The following ARHGEF28 variants were observed in gnomAD, a reference collection of about 807,000 sequenced individuals.
ARHGEF28 encodes Rho guanine nucleotide exchange factor 28.
A neutral mutation model predicts 206.6 loss-of-function variants in ARHGEF28; 152 were observed. The observed-to-expected ratio is 0.74, with a 90% CI of 0.64 to 0.84. The LOEUF (loss-of-function observed/expected upper bound fraction) is 0.84. ARHGEF28 is among the 40% of genes least tolerant of loss of function. The pLI is 0.00. For synonymous variants in ARHGEF28, 763 were observed against 776.4 expected, an observed-to-expected ratio of 0.98 and a Z score of 0.29; for missense variants, 2,028 against 2,073.2, an observed-to-expected ratio of 0.98 and a Z score of 0.42.
chr5:73,806,970 T>C (rs149724580), intron 9 of ARHGEF28, among the ~76,000 whole-genome samples: 4 of 148,632 alleles, frequency 2.7e-5, no homozygotes. Context: ...CTATATAAAA[T>C]ATAGTCAGTT....
chr5:73,717,479 T>C lies in ARHGEF28; in HGVS notation c.34-32358T>C, dbSNP rs549792803. On this transcript the variant is annotated intron_variant, in intron 2 of 35. Coordinates refer to ENST00000513042, the MANE Select transcript of ARHGEF28 (RefSeq NM_001177693.2). ...TAGTCCTTTCTGGGAAATCCCTTTA[T>C]ATAATATGAATATAATATTTGCGAA... Among the ~76,000 whole-genome samples, 3 of 152,336 alleles carry C rather than the reference T, an allele frequency of 2.0e-5. 1 individual carries two copies. In the South Asian group the frequency reaches 6.2e-4, roughly 32 times the overall value.
rs1444653508 is a variant in ARHGEF28, at chr5:73,693,187, T to G, written c.33+8303T>G. 2.0e-5 allele frequency among the ~76,000 whole-genome samples: 3 copies of G among 152,164 alleles called. No individual in the cohort carries two copies. The East Asian group carries it at 5.8e-4, about 29-fold the overall frequency. ...CAGATCCCACAATAAGCCTGGGGTT[T>G]TCCGACCTTCACTGGTAACGACCTT... On this transcript the variant is annotated intron_variant, in intron 2 of 35. Coordinates refer to ENST00000513042, the MANE Select transcript of ARHGEF28 (RefSeq NM_001177693.2).
intron 1 of ARHGEF28, among the ~76,000 whole-genome samples, chr5:73,644,616 C>T (rs2112148606): frequency 6.6e-6 from 1 of 152,364 alleles, no homozygotes; most frequent in South Asian, 2.1e-4. Flanking sequence ...CTCCCAGGAG[C>T]TCCTTGAACA....
At chr5:73,657,010 A>G (rs1035331213) in intron 1 of ARHGEF28, among the ~76,000 whole-genome samples, 24 of 151,850 alleles carry the variant, frequency 1.6e-4, no homozygotes, top group Non-Finnish European at 3.4e-4. Flanking sequence ...CTCTACTAAA[A>G]AATATATAAA....
At chr5:73,823,664 A>T (rs1307292961) in intron 9 of ARHGEF28, among the ~76,000 whole-genome samples, 2 of 152,254 alleles carry the variant, frequency 1.3e-5, no homozygotes, top group African/African-American at 4.8e-5. Flanking sequence ...GTGGGCGAAC[A>T]TACCTAGGTA....
chr5:73,638,538 C>T (rs1005809892), intron 1 of ARHGEF28, among the ~76,000 whole-genome samples: 1 of 152,190 alleles, frequency 6.6e-6, no homozygotes, highest in African/African-American at 2.4e-5. Flanking sequence ...TTGAAGACCA[C>T]AGCTTAAGCC....
Position 73,894,594 on chromosome 5 carries a change from G to T in ARHGEF28, c.3841+19G>T. 1 of 1,610,738 alleles carries T rather than the reference G, an allele frequency of 6.2e-7. No homozygotes were observed. Among genetic ancestry groups the T allele is most frequent in the South Asian group, 1.1e-5 (1 of 90,468 alleles). On this transcript the variant is annotated intron_variant, in intron 29 of 35. Transcript: ENST00000513042. ...AAAGAAGGTAAACTGCTGTGAGAAG[G>T]GTTTGGGTCGACACGTTCAGAAAAT...
chr5:73,701,594 A>G (rs1367772590), intron 2 of ARHGEF28, among the ~76,000 whole-genome samples: 1 of 152,196 alleles, frequency 6.6e-6, no homozygotes, highest in Non-Finnish European at 1.5e-5. Flanking sequence ...TATGGGACAT[A>G]CATATGCCCT....
chr5:73,837,583 T>TG (rs1757723565), intron 10 of ARHGEF28, among the ~76,000 whole-genome samples: 2 of 152,116 alleles, frequency 1.3e-5, no homozygotes, highest in Admixed American at 6.6e-5. Context: ...CAATATTATG[T>TG]GGGGAAAACT....
chr5:73,813,451 T>C, intron 9 of ARHGEF28: 1 of 1,431,588 alleles, frequency 7.0e-7, no homozygotes, highest in Non-Finnish European at 9.1e-7. Context: ...TTTCCCTCCC[T>C]GGTGTGCAGG....
chr5:73,864,744 C>A, intron 16 of ARHGEF28, 73 bp from the exon 17 acceptor site: 1 of 1,292,700 alleles, frequency 7.7e-7, no homozygotes, highest in Non-Finnish European at 1.1e-6. Context: ...CCAGTGAAAG[C>A]ATGATGTAGT....
intron 4 of ARHGEF28, among the ~76,000 whole-genome samples, chr5:73,755,890 ACCAGGAGGT>A (rs1752284902): frequency 6.6e-6 from 1 of 152,300 alleles, no homozygotes; most frequent in African/African-American, 2.4e-5. Flanking sequence ...GATTTATGTC[ACCAGGAGGT>A]CCTTTCTGAC....
intron 1 of ARHGEF28, among the ~76,000 whole-genome samples, chr5:73,671,738 ATTTTTTTTTTTTTTTTT>A (rs1172905776): frequency 1.0e-4 from 1 of 9,916 alleles, no homozygotes; most frequent in Non-Finnish European, 1.6e-4. Context: ...ATATATATAT[ATTTTTTTTTTTTTTTTT>A]TTTTTTTTTT....
intron 34 of ARHGEF28, among the ~76,000 whole-genome samples, chr5:73,910,381 CA>C (rs60086897): frequency 0.018 from 558 of 30,970 alleles, 2 homozygotes; most frequent in African/African-American, 0.049. Flanking sequence ...AACACCATCT[CA>C]AAAAAAAAAA....
At chr5:73,822,074 T>C (rs1407433667) in intron 9 of ARHGEF28, among the ~76,000 whole-genome samples, 1 of 152,216 alleles carries the variant, frequency 6.6e-6, no homozygotes, top group Non-Finnish European at 1.5e-5. Flanking sequence ...GATTAGTTCC[T>C]TCAAAACAGT....
chr5:73,921,892 C>G (rs1279225614), intron 35 of ARHGEF28, among the ~76,000 whole-genome samples: 2 of 152,158 alleles, frequency 1.3e-5, no homozygotes, highest in East Asian at 3.8e-4. Context: ...CCAGTGATCT[C>G]GGCACCCTGT....
intron 1 of ARHGEF28, among the ~76,000 whole-genome samples, chr5:73,653,520 G>C (rs578060284): frequency 6.6e-6 from 1 of 152,138 alleles, no homozygotes; most frequent in Non-Finnish European, 1.5e-5. Context: ...CAGCATGCAA[G>C]GTGCCTAGTG....
chr5:73,694,349 T>C (rs1382817511), intron 2 of ARHGEF28, among the ~76,000 whole-genome samples: 1 of 152,200 alleles, frequency 6.6e-6, no homozygotes, highest in Non-Finnish European at 1.5e-5. Context: ...AAGTGCCAAG[T>C]GTGCTTAAAG....
intron 2 of ARHGEF28, among the ~76,000 whole-genome samples, chr5:73,714,594 A>G (rs1236266486): frequency 6.6e-6 from 1 of 152,186 alleles, no homozygotes; most frequent in Non-Finnish European, 1.5e-5. Context: ...ATCTACATCA[A>G]CACAATTTTT....
Sources: allele counts gnomAD v4.1 joint callset (sites outside exome capture counted in the v4.1 genomes callset), GRCh38; gene constraint gnomAD v4.1.1; transcripts MANE v1.5; gene names NCBI Gene and HGNC (gene_info 2026-07-23, HGNC 2026-07-21).